FAM135A: variants seen among roughly 807,000 people sequenced by gnomAD.
The protein encoded by FAM135A is family with sequence similarity 135 member A, also known as protein FAM135A.
Under a neutral mutation model 146.8 loss-of-function variants are expected in FAM135A, and 79 were observed. The ratio of observed to expected loss-of-function variants is 0.54; its 90% CI spans 0.45 to 0.65. The LOEUF (loss-of-function observed/expected upper bound fraction) is 0.65. Ranked by LOEUF, FAM135A falls within the 30% of genes least tolerant of loss-of-function variation. The pLI is 0.00. For missense variants in FAM135A, 1,623 were observed against 1,758.2 expected (o/e 0.92, Z 1.38); for synonymous variants, 562 against 603.6 (o/e 0.93, Z 1.01).
intron 13 of FAM135A, among the ~76,000 whole-genome samples, chr6:70,522,962 T>C (rs192323074): frequency 1.1e-4 from 16 of 152,322 alleles, no homozygotes; most frequent in Admixed American, 1.0e-3. Flanking sequence ...TACTGTCTTC[T>C]GTAATTGTAA....
chr6:70,445,979 CAA>C (rs1179032072), intron 4 of FAM135A, among the ~76,000 whole-genome samples: 1 of 152,212 alleles, frequency 6.6e-6, no homozygotes, highest in Non-Finnish European at 1.5e-5. Context: ...CAAAGACAAA[CAA>C]CACAGATTAA....
At chr6:70,512,073 A>G (rs1791115851) in intron 12 of FAM135A, among the ~76,000 whole-genome samples, 1 of 151,930 alleles carries the variant, frequency 6.6e-6, no homozygotes, top group African/African-American at 2.4e-5. Flanking sequence ...ACTTCAAGAA[A>G]ATTATTTCAT....
intron 12 of FAM135A, among the ~76,000 whole-genome samples, chr6:70,507,070 G>T (rs904016449): frequency 6.6e-6 from 1 of 151,962 alleles, no homozygotes; most frequent in Non-Finnish European, 1.5e-5. Flanking sequence ...GAATACCAAA[G>T]ATAAACTTTG....
Position 70,475,420 on chromosome 6 carries a change from A to G in FAM135A, c.168A>G (p.Leu56=). 1 of 1,584,266 alleles carries G rather than the reference A, an allele frequency of 6.3e-7. No homozygotes were observed. Among genetic ancestry groups the G allele is most frequent in the Non-Finnish European group, 8.6e-7 (1 of 1,166,288 alleles). The change falls in exon 6 of 22, where the codon TTA becomes TTG. Residue 56 remains leucine, a synonymous_variant. Transcript: ENST00000418814. ...ASLLHATGMT[L]AFPASVHDSL... ...TCTTATCTGTTTTAGGTATGACTTT[A>G]GCCTTTCCAGCCTCAGTTCATGATT...
At chr6:70,435,103 ATATATATTTT>A (rs1263553641) in intron 4 of FAM135A, among the ~76,000 whole-genome samples, 16 of 104,682 alleles carry the variant, frequency 1.5e-4, no homozygotes, top group African/African-American at 8.0e-4. Context: ...ATATATATAT[ATATATATTTT>A]TTTTTTTTTT....
chr6:70,559,878 T>C lies in FAM135A; in HGVS notation c.4505T>C (p.Leu1502Ser). ...HIAVLDSEIF[L>S]EKFFLVAALK... ...GCTGTTCTTGATTCGGAAATATTTT[T>C]AGAGAAATTCTTTCTGGTTGCTGCC... Residue 1502 changes from leucine (L) to serine (S), a missense_variant, in exon 22 of 22, where the codon TTA becomes TCA. Physicochemically the swap from Leu to Ser is moderately radical, Grantham distance 145. Transcript: ENST00000418814. 6.2e-7 allele frequency: 1 copy of C among 1,614,026 alleles called. No individual in the cohort carries two copies. Among genetic ancestry groups the C allele is most frequent in the Non-Finnish European group, 8.5e-7 (1 of 1,179,994 alleles).
intron 18 of FAM135A, among the ~76,000 whole-genome samples, chr6:70,534,933 C>T (rs1796536610): frequency 1.3e-5 from 2 of 152,096 alleles, no homozygotes; most frequent in Admixed American, 1.3e-4. Context: ...GGAGAAGGTT[C>T]AGGTTTGTTG....
At chr6:70,450,713 G>GTTTTTTT (rs1192559967) in intron 4 of FAM135A, among the ~76,000 whole-genome samples, 14 of 29,780 alleles carry the variant, frequency 4.7e-4, no homozygotes, top group Non-Finnish European at 1.1e-3. Context: ...GACCCTTTTA[G>GTTTTTTT]TTGTTTTTTT....
At chr6:70,479,539 C>T (rs892738271) in intron 8 of FAM135A, among the ~76,000 whole-genome samples, 1 of 152,098 alleles carries the variant, frequency 6.6e-6, no homozygotes, top group African/African-American at 2.4e-5. Flanking sequence ...ACCAGCCTTT[C>T]TCTACCTATA....
intron 16 of FAM135A, among the ~76,000 whole-genome samples, chr6:70,530,244 C>G (rs533706187): frequency 6.6e-6 from 1 of 152,028 alleles, no homozygotes; most frequent in Non-Finnish European, 1.5e-5. Flanking sequence ...TAAGAAACTT[C>G]ATAAAATTTA....
At chr6:70,507,159 A>G (rs1789970618) in intron 12 of FAM135A, among the ~76,000 whole-genome samples, 2 of 152,094 alleles carry the variant, frequency 1.3e-5, no homozygotes, top group East Asian at 1.9e-4. Flanking sequence ...TAAATGAATC[A>G]TGGAAGGATA....
chr6:70,463,904 T>A (rs1779886993), intron 5 of FAM135A, among the ~76,000 whole-genome samples: 1 of 152,226 alleles, frequency 6.6e-6, no homozygotes, highest in Admixed American at 6.5e-5. Context: ...TCTTTTTACC[T>A]GGTTTAAGAG....
intron 5 of FAM135A, among the ~76,000 whole-genome samples, chr6:70,464,861 T>C (rs1455594217): frequency 4.2e-5 from 5 of 119,216 alleles, no homozygotes; most frequent in Admixed American, 8.2e-5. Context: ...TTTTTTTTTT[T>C]TCAGTAGAGA....
At chr6:70,499,146 A>C (rs1562526110) in intron 11 of FAM135A, among the ~76,000 whole-genome samples, 1 of 152,188 alleles carries the variant, frequency 6.6e-6, no homozygotes, top group Non-Finnish European at 1.5e-5. Context: ...TTGCTTTATG[A>C]ATCTGGGTTC....
intron 11 of FAM135A, among the ~76,000 whole-genome samples, chr6:70,496,097 T>A (rs1787178971): frequency 6.6e-6 from 1 of 152,202 alleles, no homozygotes; most frequent in East Asian, 1.9e-4. Context: ...GCAATAAACA[T>A]ACGTGTGCAT....
At chr6:70,480,249 A>G (rs112411742) in intron 8 of FAM135A, among the ~76,000 whole-genome samples, 71 of 152,228 alleles carry the variant, frequency 4.7e-4, no homozygotes, top group African/African-American at 1.6e-3. Context: ...AGGCTGGAGG[A>G]TTGCTTGAGG....
chr6:70,559,680 G>A lies in FAM135A; in HGVS notation c.4343-36G>A, dbSNP rs759215144. 2.6e-6 allele frequency: 4 copies of A among 1,529,472 alleles called. No homozygotes were observed. The Admixed American group carries it at 5.6e-5, about 21-fold the overall frequency. 94.7% of individuals were successfully genotyped at this position (1,529,472 alleles called of 1,614,324 possible). ...AGTTTTTTTATTTTCAGTTACTATT[G>A]TGAACTAATTTTCCTTTTTTCTGTT... On this transcript the variant is annotated intron_variant, in intron 21 of 21. Coordinates refer to ENST00000418814, the MANE Select transcript of FAM135A (RefSeq NM_001162529.3).
chr6:70,420,466 T>C (rs554545805), intron 2 of FAM135A, among the ~76,000 whole-genome samples: 1 of 152,350 alleles, frequency 6.6e-6, no homozygotes, highest in South Asian at 2.1e-4. Flanking sequence ...TTTTTCCAGA[T>C]ATCCATGCCT....
intron 12 of FAM135A, among the ~76,000 whole-genome samples, chr6:70,516,476 A>G (rs1792237215): frequency 6.6e-6 from 1 of 151,740 alleles, no homozygotes; most frequent in Admixed American, 6.6e-5. Flanking sequence ...AGTGTCAGTG[A>G]ATTCTTATTA....
Sources: allele counts gnomAD v4.1 joint callset (sites outside exome capture counted in the v4.1 genomes callset), GRCh38; gene constraint gnomAD v4.1.1; transcripts MANE v1.5; gene names NCBI Gene and HGNC (gene_info 2026-07-23, HGNC 2026-07-21).